TYW1: variants seen among roughly 807,000 people sequenced by gnomAD.
TYW1 encodes S-adenosyl-L-methionine-dependent tRNA 4-demethylwyosine synthase TYW1.
Under a neutral mutation model 96.2 loss-of-function variants are expected in TYW1, and 46 were observed. That is an observed-to-expected ratio of 0.48 (90% CI 0.38 to 0.61). The LOEUF is 0.61. Ranked by LOEUF, TYW1 falls within the 20% of genes least tolerant of loss-of-function variation. TYW1 has a pLI of 0.00. For synonymous variants in TYW1, 274 were observed against 323.0 expected (o/e 0.85, Z 1.63); for missense variants, 684 against 909.6 (o/e 0.75, Z 3.19).
chr7:67,158,280 G>T (rs1403449462), intron 13 of TYW1, among the ~76,000 whole-genome samples: 1 of 151,822 alleles, frequency 6.6e-6, no homozygotes, highest in Non-Finnish European at 1.5e-5. Context: ...ATAGAGACAG[G>T]GTTCAGCTGT....
At chr7:67,065,129 C>T (rs1386741242) in intron 9 of TYW1, among the ~76,000 whole-genome samples, 4 of 152,178 alleles carry the variant, frequency 2.6e-5, no homozygotes, top group Admixed American at 6.5e-5. Context: ...GTGAAGCTAC[C>T]TTGGTTGCTT....
At chr7:67,099,662 A>C (rs1196791976) in intron 12 of TYW1, among the ~76,000 whole-genome samples, 1 of 152,162 alleles carries the variant, frequency 6.6e-6, no homozygotes, top group Non-Finnish European at 1.5e-5. Context: ...CTTAGGTCAG[A>C]GTTATAAGGG....
chr7:67,073,767 C>CAAA (rs71526599), intron 10 of TYW1, among the ~76,000 whole-genome samples: 47 of 42,322 alleles, frequency 1.1e-3, no homozygotes, highest in Non-Finnish European at 1.7e-3. Flanking sequence ...CGAGACTCTT[C>CAAA]AAAAAAAAAA....
intron 15 of TYW1, among the ~76,000 whole-genome samples, chr7:67,228,811 G>A (rs903705117): frequency 6.6e-6 from 1 of 152,218 alleles, no homozygotes; most frequent in African/African-American, 2.4e-5. Flanking sequence ...GACAGTGGCT[G>A]GGGGCCAGCC....
chr7:67,190,644 A>G (rs1437481541), intron 14 of TYW1, among the ~76,000 whole-genome samples: 2 of 152,230 alleles, frequency 1.3e-5, no homozygotes, highest in Admixed American at 6.5e-5. Context: ...TGAATGGCTG[A>G]TGGTCCATTG....
chr7:67,223,094 C>T (rs542189394), intron 15 of TYW1, among the ~76,000 whole-genome samples: 52 of 152,038 alleles, frequency 3.4e-4, no homozygotes, highest in Middle Eastern at 3.4e-3. Context: ...TGACTTTTCC[C>T]ACATATTCCT....
intron 15 of TYW1, among the ~76,000 whole-genome samples, chr7:67,228,573 A>T (rs1801640061): frequency 6.6e-6 from 1 of 152,230 alleles, no homozygotes; most frequent in South Asian, 2.1e-4. Context: ...TTAAATAAAG[A>T]ATGGTATAGT....
At chr7:67,138,176 A>C (rs1366294405) in intron 13 of TYW1, among the ~76,000 whole-genome samples, 3 of 152,172 alleles carry the variant, frequency 2.0e-5, no homozygotes. Flanking sequence ...AGCCATCTGT[A>C]TGATGCCCAC....
At chr7:67,133,235 CA>C (rs1798138808) in intron 13 of TYW1, among the ~76,000 whole-genome samples, 1 of 147,612 alleles carries the variant, frequency 6.8e-6, no homozygotes, top group African/African-American at 2.6e-5. Flanking sequence ...CTCCTGGGCT[CA>C]AGTGATCTTC....
At chr7:67,091,403 G>A (rs1412525794) in intron 11 of TYW1, among the ~76,000 whole-genome samples, 12 of 146,840 alleles carry the variant, frequency 8.2e-5, no homozygotes, top group African/African-American at 1.5e-4. Context: ...ATCACACATC[G>A]GGGCCTGTCA....
rs556244867 is a variant in TYW1 at position 67,133,495 on chromosome 7, C to T, written c.1698+15877C>T. Among the ~76,000 whole-genome samples the T allele has an allele frequency of 6.2e-4, 94 of 151,718 alleles. 1 individual carries two copies. The highest frequency in any genetic ancestry group is 2.1e-3 in the African/African-American group (88 of 41,312). ...CAGGCGGATCATGAAATCAAGAGAT[C>T]GAGACCATCCTGACCAACATGGTGA... On this transcript the variant is annotated intron_variant, in intron 13 of 15. Coordinates refer to ENST00000359626, the MANE Select transcript of TYW1 (RefSeq NM_018264.4).
intron 8 of TYW1, among the ~76,000 whole-genome samples, chr7:67,052,437 G>A (rs541459668): frequency 2.6e-5 from 4 of 151,956 alleles, no homozygotes; most frequent in African/African-American, 4.8e-5. Context: ...CTCATGTTCC[G>A]TTAATCCTAT....
intron 7 of TYW1, among the ~76,000 whole-genome samples, chr7:67,025,463 A>G (rs1354425095): frequency 1.3e-5 from 2 of 152,132 alleles, no homozygotes; most frequent in Non-Finnish European, 2.9e-5. Flanking sequence ...AGCTTGTTGT[A>G]GATGGTTAGA....
intron 4 of TYW1, among the ~76,000 whole-genome samples, chr7:67,010,242 C>T (rs1793745395): frequency 6.6e-6 from 1 of 152,050 alleles, no homozygotes; most frequent in Non-Finnish European, 1.5e-5. Flanking sequence ...AGTGATCTGC[C>T]CGCCTTGGCC....
chr7:67,210,538 G>A (rs1800965487), intron 15 of TYW1, among the ~76,000 whole-genome samples: 1 of 152,212 alleles, frequency 6.6e-6, no homozygotes, highest in African/African-American at 2.4e-5. Flanking sequence ...TGAGGGCAGA[G>A]TATCTATGTA....
At chr7:67,207,783 C>A (rs961053961) in intron 15 of TYW1, among the ~76,000 whole-genome samples, 9 of 140,410 alleles carry the variant, frequency 6.4e-5, no homozygotes, top group Non-Finnish European at 1.2e-4. Flanking sequence ...TGCAATGGCA[C>A]AATCTTGGCT....
At chr7:67,110,173 G>A (rs112407897) in intron 12 of TYW1, among the ~76,000 whole-genome samples, 2,620 of 152,260 alleles carry the variant, frequency 0.017, 74 homozygotes, top group African/African-American at 0.059. Flanking sequence ...AACAGCTAGG[G>A]CAGACAAGAA....
chr7:67,014,249 A>G, intron 4 of TYW1, 118 bp from the exon 5 acceptor site: 37 of 1,366,180 alleles, frequency 2.7e-5, no homozygotes, highest in Non-Finnish European at 3.6e-5. Flanking sequence ...AAGATGAACC[A>G]TGTTTATGAA....
At chr7:67,138,270 A>T (rs560132965) in intron 13 of TYW1, among the ~76,000 whole-genome samples, 6 of 152,282 alleles carry the variant, frequency 3.9e-5, no homozygotes, top group South Asian at 2.1e-4. Flanking sequence ...TTACCTTTTT[A>T]AAAAAAGTAA....
Sources: allele counts gnomAD v4.1 joint callset (sites outside exome capture counted in the v4.1 genomes callset), GRCh38; gene constraint gnomAD v4.1.1; transcripts MANE v1.5; gene names NCBI Gene and HGNC (gene_info 2026-07-23, HGNC 2026-07-21).